The following CYYR1 variants were observed in gnomAD, a reference collection of about 807,000 sequenced individuals.
CYYR1 encodes the protein cysteine and tyrosine-rich protein 1.
A neutral mutation model predicts 15.2 loss-of-function variants in CYYR1; 14 were observed. The observed-to-expected ratio is 0.92, with a 90% CI of 0.61 to 1.44. CYYR1 has a LOEUF of 1.44. CYYR1 is among the 40% of genes most tolerant of loss of function. CYYR1 has a pLI of 0.00. For synonymous variants in CYYR1, 80 were observed against 77.4 expected (o/e 1.03, Z -0.18); for missense variants, 228 against 209.5 (o/e 1.09, Z -0.54).
chr21:26,526,104 C>A (rs1405527069), intron 2 of CYYR1, among the ~76,000 whole-genome samples: 2 of 152,058 alleles, frequency 1.3e-5, no homozygotes, highest in Non-Finnish European at 2.9e-5. Flanking sequence ...GTACAACAAA[C>A]CCCCACGACA....
intron 2 of CYYR1, among the ~76,000 whole-genome samples, chr21:26,520,953 G>A (rs572679003): frequency 1.4e-4 from 21 of 152,246 alleles, no homozygotes; most frequent in African/African-American, 4.1e-4. Flanking sequence ...AACACTGCGC[G>A]TTCTCACTTG....
chr21:26,492,737 C>T (rs1048415913), intron 2 of CYYR1, among the ~76,000 whole-genome samples: 3 of 151,670 alleles, frequency 2.0e-5, no homozygotes, highest in East Asian at 1.9e-4. Flanking sequence ...ATCTCAAGGT[C>T]GAAGAGAATA....
chr21:26,520,114 A>ATATATATATATATATATATATATATG (rs2065784326), intron 2 of CYYR1, among the ~76,000 whole-genome samples: 1 of 21,594 alleles, frequency 4.6e-5, no homozygotes, highest in Non-Finnish European at 1.2e-4. Flanking sequence ...AACCCAGGAG[A>ATATATATATATATATATATATATATG]TATATATATA....
intron 3 of CYYR1, among the ~76,000 whole-genome samples, chr21:26,475,150 T>C (rs1248235996): frequency 6.6e-6 from 1 of 152,176 alleles, no homozygotes; most frequent in Non-Finnish European, 1.5e-5. Flanking sequence ...TCAGAAGCCA[T>C]ACATTTCTTT....
At chr21:26,474,372 G>C (rs1462149786) in intron 3 of CYYR1, among the ~76,000 whole-genome samples, 2 of 147,498 alleles carry the variant, frequency 1.4e-5, no homozygotes, top group African/African-American at 5.0e-5. Context: ...TTCTTTTCTA[G>C]CACATATGCC....
At chr21:26,552,375 A>T (rs187525251) in intron 2 of CYYR1, among the ~76,000 whole-genome samples, 2 of 152,300 alleles carry the variant, frequency 1.3e-5, no homozygotes, top group Admixed American at 6.5e-5. Flanking sequence ...TACTTAAGTT[A>T]GCTATTTCAG....
At chr21:26,489,883 G>A (rs2123438085) in intron 2 of CYYR1, among the ~76,000 whole-genome samples, 1 of 152,192 alleles carries the variant, frequency 6.6e-6, no homozygotes, top group Middle Eastern at 3.4e-3. Context: ...CCCTTTACAT[G>A]AGGGAGAAAC....
chr21:26,503,198 T>C (rs1292824621), intron 2 of CYYR1, among the ~76,000 whole-genome samples: 1 of 152,180 alleles, frequency 6.6e-6, no homozygotes, highest in Non-Finnish European at 1.5e-5. Flanking sequence ...GAGACTTCAT[T>C]TATGTAGGAC....
chr21:26,488,976 C>T (rs971557890), intron 2 of CYYR1, among the ~76,000 whole-genome samples: 1 of 152,106 alleles, frequency 6.6e-6, no homozygotes, highest in Non-Finnish European at 1.5e-5. Flanking sequence ...TGCTACCCAA[C>T]CTAATCTTAC....
At chr21:26,544,261 A>C (rs1050485994) in intron 2 of CYYR1, among the ~76,000 whole-genome samples, 2 of 152,342 alleles carry the variant, frequency 1.3e-5, no homozygotes, top group African/African-American at 2.4e-5. Context: ...CTGTACGAAT[A>C]ATCACTTTTA....
chr21:26,522,695 G>GA (rs943861201), intron 2 of CYYR1, among the ~76,000 whole-genome samples: 1 of 152,160 alleles, frequency 6.6e-6, no homozygotes, highest in Admixed American at 6.5e-5. Context: ...TCCTGCCCTT[G>GA]AAAATCTACA....
chr21:26,521,937 A>G (rs188429847), intron 2 of CYYR1, among the ~76,000 whole-genome samples: 1 of 152,318 alleles, frequency 6.6e-6, no homozygotes, highest in African/African-American at 2.4e-5. Flanking sequence ...GTCCTTCAAG[A>G]AAGGACCTGT....
Position 26,572,977 on chromosome 21 carries a change from G to T in CYYR1, c.-37C>A. On this transcript the variant is annotated 5_prime_UTR_variant, in exon 1 of 4. Transcript: ENST00000652641. Reference sequence around the variant, plus strand: ...GCCTGAGGCTTGGAGCGAAGGGAGAGCCCGGAACCGGAGGGAATGGGGAGG... The same window carrying T: ...GCCTGAGGCTTGGAGCGAAGGGAGATCCCGGAACCGGAGGGAATGGGGAGG... The T allele has an allele frequency of 6.2e-7, 1 of 1,613,238 alleles. No homozygotes were observed. Among genetic ancestry groups the T allele is most frequent in the Non-Finnish European group, 8.5e-7 (1 of 1,179,684 alleles).
chr21:26,527,133 C>G (rs2123587267), intron 2 of CYYR1, among the ~76,000 whole-genome samples: 1 of 152,264 alleles, frequency 6.6e-6, no homozygotes, highest in East Asian at 1.9e-4. Context: ...TAACTCTATT[C>G]TGCACGAGAA....
At chr21:26,488,022 A>G (rs1264264791) in intron 2 of CYYR1, among the ~76,000 whole-genome samples, 3 of 151,016 alleles carry the variant, frequency 2.0e-5, no homozygotes, top group Non-Finnish European at 4.4e-5. Flanking sequence ...ACTTCACTCA[A>G]TATATCCTCT....
chr21:26,498,683 T>C lies in CYYR1; in HGVS notation c.177-18254A>G, dbSNP rs2065440358. ...CTATATGGACATATCCAAGACTGGG[T>C]AATTTATAAAGCAAAGGGGTTTAAT... On this transcript the variant is annotated intron_variant, in intron 2 of 3. Coordinates refer to ENST00000652641, the MANE Select transcript of CYYR1 (RefSeq NM_001320768.2). Among the ~76,000 whole-genome samples the C allele has an allele frequency of 2.0e-5, 3 of 152,192 alleles. No homozygotes were observed. In the South Asian group the frequency reaches 6.2e-4, roughly 32 times the overall value.
chr21:26,558,445 G>A (rs973735959), intron 2 of CYYR1, among the ~76,000 whole-genome samples: 6 of 151,998 alleles, frequency 3.9e-5, no homozygotes, highest in African/African-American at 9.7e-5. Context: ...TCAGCCTCCC[G>A]TGTAGCTGTG....
At chr21:26,513,863 A>G (rs1175925578) in intron 2 of CYYR1, among the ~76,000 whole-genome samples, 2 of 140,670 alleles carry the variant, frequency 1.4e-5, no homozygotes, top group Non-Finnish European at 1.5e-5. Flanking sequence ...GAATTGAACA[A>G]TGAGAACACA....
At chr21:26,512,671 TAAAA>T (rs1480389334) in intron 2 of CYYR1, among the ~76,000 whole-genome samples, 2 of 152,182 alleles carry the variant, frequency 1.3e-5, no homozygotes, top group African/African-American at 4.8e-5. Context: ...TGTCTATAAA[TAAAA>T]TTTTATTGGG....
Sources: gnomAD v4.1 joint callset for allele counts (sites outside exome capture counted in the v4.1 genomes callset) on GRCh38, gnomAD v4.1.1 for gene constraint, MANE v1.5 for transcripts, NCBI Gene and HGNC (gene_info 2026-07-23, HGNC 2026-07-21) for gene names.